MAP2: variants seen among roughly 807,000 people sequenced by gnomAD.
MAP2 encodes microtubule associated protein 2.
A neutral mutation model predicts 137.6 loss-of-function variants in MAP2; 14 were observed. The ratio of observed to expected loss-of-function variants is 0.10; its 90% CI spans 0.07 to 0.16. MAP2 has a LOEUF of 0.16. Among genes scored for constraint, MAP2 ranks in the 10% least tolerant of loss-of-function variants. The pLI, the probability that MAP2 is intolerant of heterozygous loss-of-function variation, is 1.00. For missense variants in MAP2, 2,088 were observed against 2,191.5 expected, an observed-to-expected ratio of 0.95 and a Z score of 0.94; for synonymous variants, 786 against 782.3, an observed-to-expected ratio of 1.00 and a Z score of -0.08.
At chr2:209,728,855 T>TG (rs147661960) in intron 14 of MAP2, among the ~76,000 whole-genome samples, 18,077 of 152,148 alleles carry the variant, frequency 0.12, 1,352 homozygotes, top group East Asian at 0.22. Context: ...ACGTTACCGC[T>TG]TCTTTCCAGA....
At chr2:209,704,911 T>A (rs1282414006) in intron 11 of MAP2, among the ~76,000 whole-genome samples, 3 of 150,472 alleles carry the variant, frequency 2.0e-5, no homozygotes, top group African/African-American at 7.3e-5. Context: ...CAAAATATAT[T>A]CTATTATATA....
Position 209,707,536 on chromosome 2 carries a change from A to G in MAP2, c.4732+1809A>G, listed in dbSNP as rs188287787. On this transcript the variant is annotated intron_variant, in intron 12 of 15. Transcript: ENST00000682079. ...TGTTGTGCAGGAAGCTCATCCGCCC[A>G]AGAGGAAGGAAATCCATTGTCATTG... Among the ~76,000 whole-genome samples, 550 of 152,270 alleles carry G rather than the reference A, an allele frequency of 3.6e-3. 1 individual carries two copies. Among genetic ancestry groups the G allele is most frequent in the African/African-American group, 0.013 (526 of 41,588 alleles).
chr2:209,500,181 T>C (rs1434149735), intron 1 of MAP2, among the ~76,000 whole-genome samples: 2 of 152,208 alleles, frequency 1.3e-5, no homozygotes, highest in East Asian at 3.8e-4. Flanking sequence ...AATTTCCTAA[T>C]TATGCCATTC....
intron 2 of MAP2, among the ~76,000 whole-genome samples, chr2:209,545,101 T>C (rs1177542274): frequency 1.3e-5 from 2 of 152,184 alleles, no homozygotes; most frequent in African/African-American, 2.4e-5. Flanking sequence ...AGAGTTTTCT[T>C]TTTTTGGTGG....
rs544929760 is a variant in MAP2 at position 209,516,560 on chromosome 2, C to T, written c.-172+8919C>T. ...AAAAGGGAAGGGTTAAGGAACTTAC[C>T]GAAAATAAAGGTATAGGAATTTCTT... On this transcript the variant is annotated intron_variant, in intron 2 of 15. Transcript: ENST00000682079. Among the ~76,000 whole-genome samples, 81 of 151,946 alleles carry T rather than the reference C, an allele frequency of 5.3e-4. 1 individual carries two copies. The highest frequency in any genetic ancestry group is 1.9e-3 in the African/African-American group (77 of 41,460).
intron 11 of MAP2, among the ~76,000 whole-genome samples, chr2:209,701,817 T>C (rs557170095): frequency 6.6e-6 from 1 of 152,248 alleles, no homozygotes; most frequent in African/African-American, 2.4e-5. Context: ...TGTATCTCTT[T>C]ACCTTCTGTT....
chr2:209,497,833 C>T (rs949407960), intron 1 of MAP2, among the ~76,000 whole-genome samples: 6 of 152,162 alleles, frequency 3.9e-5, no homozygotes, highest in African/African-American at 1.4e-4. Context: ...GATCCAAACC[C>T]CTCCTACTAG....
At chr2:209,493,554 T>C (rs1369510654) in intron 1 of MAP2, among the ~76,000 whole-genome samples, 1 of 152,330 alleles carries the variant, frequency 6.6e-6, no homozygotes, top group East Asian at 1.9e-4. Context: ...AAAGGGCTAA[T>C]ATCCAGAGTC....
chr2:209,493,657 A>G (rs2059400153), intron 1 of MAP2, among the ~76,000 whole-genome samples: 4 of 152,250 alleles, frequency 2.6e-5, no homozygotes, highest in Admixed American at 2.0e-4. Context: ...TAAGACATTT[A>G]TGTGGCCAAC....
At chr2:209,721,479 A>T (rs189465577) in intron 13 of MAP2, among the ~76,000 whole-genome samples, 2 of 152,192 alleles carry the variant, frequency 1.3e-5, no homozygotes, top group Non-Finnish European at 2.9e-5. Context: ...TTTTTGATAG[A>T]ATATCTGTGA....
At chr2:209,702,766 C>G (rs1446260336) in intron 11 of MAP2, among the ~76,000 whole-genome samples, 4 of 151,994 alleles carry the variant, frequency 2.6e-5, no homozygotes, top group African/African-American at 7.2e-5. Flanking sequence ...TTGTGCTGAC[C>G]CAATTACACT....
chr2:209,551,056 C>A (rs1203764050), intron 2 of MAP2, among the ~76,000 whole-genome samples: 1 of 152,064 alleles, frequency 6.6e-6, no homozygotes, highest in Non-Finnish European at 1.5e-5. Flanking sequence ...ATCTCAAACA[C>A]CATCTGTAAA....
chr2:209,691,663 GAATA>G (rs1271732190), intron 7 of MAP2, among the ~76,000 whole-genome samples: 1 of 152,118 alleles, frequency 6.6e-6, no homozygotes, highest in Non-Finnish European at 1.5e-5. Flanking sequence ...TTGGATTGTT[GAATA>G]AATAAAAGTA....
chr2:209,537,199 G>A (rs532868302), intron 2 of MAP2, among the ~76,000 whole-genome samples: 5 of 152,140 alleles, frequency 3.3e-5, no homozygotes, highest in African/African-American at 9.6e-5. Flanking sequence ...TAATTCTCAC[G>A]ATATTTCAAA....
chr2:209,592,784 A>T (rs1021733862), intron 3 of MAP2, among the ~76,000 whole-genome samples: 1 of 152,078 alleles, frequency 6.6e-6, no homozygotes, highest in African/African-American at 2.4e-5. Context: ...TGGCAATCAG[A>T]CTATTTTTAA....
intron 3 of MAP2, among the ~76,000 whole-genome samples, chr2:209,623,563 C>G (rs1480298894): frequency 1.3e-5 from 2 of 152,162 alleles, no homozygotes; most frequent in Admixed American, 6.6e-5. Flanking sequence ...CACAAAGACT[C>G]TTTCTATCCA....
chr2:209,560,427 G>A (rs954242995), intron 2 of MAP2, among the ~76,000 whole-genome samples: 136 of 151,756 alleles, frequency 9.0e-4, no homozygotes, highest in African/African-American at 3.2e-3. Flanking sequence ...TTTCCCAGTG[G>A]ATGCAGTACC....
chr2:209,633,837 C>T (rs573064601), intron 4 of MAP2, among the ~76,000 whole-genome samples: 33 of 152,110 alleles, frequency 2.2e-4, no homozygotes, highest in African/African-American at 7.2e-4. Context: ...AGAAAGGTGA[C>T]GACAATGAGG....
chr2:209,443,721 G>A lies in MAP2; in HGVS notation c.-222+19445G>A, dbSNP rs113006693. ...CTGATGGAGAGCTTATGTGAACATG[G>A]AAGCATGGTGTCAGGCACACATCAT... On this transcript the variant is annotated intron_variant, in intron 1 of 15. Transcript: ENST00000682079. 9.4e-4 allele frequency among the ~76,000 whole-genome samples: 142 copies of A among 151,692 alleles called. 1 individual carries two copies. The highest frequency in any genetic ancestry group is 1.7e-3 in the Non-Finnish European group (117 of 67,676).
Sources: gnomAD v4.1 joint callset for allele counts (sites outside exome capture counted in the v4.1 genomes callset) on GRCh38, gnomAD v4.1.1 for gene constraint, MANE v1.5 for transcripts, NCBI Gene and HGNC (gene_info 2026-07-23, HGNC 2026-07-21) for gene names.